The following LGR6 variants were observed in gnomAD, a reference collection of about 807,000 sequenced individuals.
LGR6 encodes the protein leucine-rich repeat-containing G protein-coupled receptor 6.
LGR6 carries 45 observed loss-of-function variants against 69.4 expected under a neutral mutation model. The observed-to-expected ratio is 0.65, with a 90% confidence interval of 0.51 to 0.83. The LOEUF is 0.83. Ranked by LOEUF, LGR6 falls within the 40% of genes least tolerant of loss-of-function variation. The probability of loss-of-function intolerance (pLI) is 0.00; values close to 1 mark genes in which losing one functional copy is unlikely to be tolerated. For synonymous variants in LGR6, 538 were observed against 555.0 expected (o/e 0.97, Z 0.43); for missense variants, 1,108 against 1,246.7 (o/e 0.89, Z 1.68).
rs971296097 is a variant in LGR6 at position 202,318,206 on chromosome 1, C to T, written c.1903C>T (p.Arg635Cys). The T allele has an allele frequency of 6.2e-6, 10 of 1,612,612 alleles. No homozygotes were observed. Among genetic ancestry groups the T allele is most frequent in the African/African-American group, 1.3e-5 (1 of 74,942 alleles). ...TFGQFSEYGA[R>C]WETGLGCRAT... Reference sequence around the variant, plus strand: ...TGGTCAGTTCTCTGAGTACGGAGCCCGCTGGGAGACGGGGCTAGGCTGCCG... The same window carrying T: ...TGGTCAGTTCTCTGAGTACGGAGCCTGCTGGGAGACGGGGCTAGGCTGCCG... The change falls in exon 18 of 18, where the codon CGC (arginine) becomes TGC (cysteine). Residue 635 changes from arginine to cysteine, a missense_variant. Transcript: ENST00000367278.
chr1:202,197,820 G>A (rs1201472666), intron 1 of LGR6, among the ~76,000 whole-genome samples: 1 of 152,192 alleles, frequency 6.6e-6, no homozygotes, highest in Non-Finnish European at 1.5e-5. Context: ...GACAATCCCC[G>A]GAGTTGTTGC....
rs112345977 is a variant in LGR6 at position 202,296,974 on chromosome 1, CA to C, written c.717-523del. 5.4e-3 allele frequency among the ~76,000 whole-genome samples: 783 copies of C among 144,248 alleles called. 7 individuals carry two copies. The highest frequency in any genetic ancestry group is 0.015 in the African/African-American group (577 of 39,498). 94.6% of individuals were successfully genotyped at this position (144,248 alleles called of 152,430 possible). On this transcript the variant is annotated intron_variant, in intron 6 of 17. Coordinates refer to ENST00000367278, the MANE Select transcript of LGR6 (RefSeq NM_001017403.2). The stretch of plus-strand genomic sequence containing the variant: ...TTATACATGTGATATATGCTCATTG[CA>C]AAAAAAAAAATTGGAAAGTACAGAA...
rs753221682 is a variant in LGR6 at position 202,202,774 on chromosome 1, C to T, written c.212+8573C>T. 2.6e-5 allele frequency among the ~76,000 whole-genome samples: 4 copies of T among 152,178 alleles called. No homozygotes were observed. In the South Asian group the frequency reaches 8.3e-4, roughly 32 times the overall value. On this transcript the variant is annotated intron_variant, in intron 1 of 17. Transcript: ENST00000367278. ...TTGACTCTGCCTGCCTAGAGCTTGC[C>T]GAGAATGAGACCCAGAGGGTCGGTC...
intron 7 of LGR6, among the ~76,000 whole-genome samples, chr1:202,299,364 A>T: frequency 6.6e-6 from 1 of 152,146 alleles, no homozygotes; most frequent in Non-Finnish European, 1.5e-5. Context: ...GCATGAGAGA[A>T]GCATGAGATT....
Position 202,309,165 on chromosome 1 carries a change from C to G in LGR6, c.1395C>G (p.Phe465Leu). 3 of 1,614,046 alleles carry G rather than the reference C, an allele frequency of 1.9e-6. No homozygotes were observed. Among genetic ancestry groups the G allele is most frequent in the Non-Finnish European group, 1.7e-6 (2 of 1,179,940 alleles). ...ALSQAFSKDS[F>L]PKLRILEVPY... ...CCCAGGCCTTCTCCAAGGACAGTTT[C>G]CCAAAACTGAGGTGAGGGACTGGCT... Residue 465 changes from phenylalanine (F) to leucine (L), a missense_variant, in exon 15 of 18, where the codon TTC (phenylalanine) becomes TTG (leucine). Coordinates refer to ENST00000367278, the MANE Select transcript of LGR6 (RefSeq NM_001017403.2).
intron 1 of LGR6, among the ~76,000 whole-genome samples, chr1:202,205,841 C>A (rs1659198400): frequency 1.0e-5 from 1 of 97,730 alleles, no homozygotes; most frequent in South Asian, 5.6e-4. Context: ...ACACACACAC[C>A]TCCTTCAAAC....
Position 202,295,689 on chromosome 1 carries a change from T to C in LGR6, c.717-1819T>C, listed in dbSNP as rs138974660. 1.6e-3 allele frequency among the ~76,000 whole-genome samples: 240 copies of C among 152,332 alleles called. 1 individual carries two copies. Among genetic ancestry groups the C allele is most frequent in the South Asian group, 7.2e-3 (35 of 4,832 alleles). On this transcript the variant is annotated intron_variant, in intron 6 of 17. Transcript: ENST00000367278. ...CTTTGCACACATCCTGGCCTCCGCC[T>C]GACCACATCCTTCACACAGCCTGTG...
At chr1:202,252,105 A>G (rs1473831666) in intron 4 of LGR6, among the ~76,000 whole-genome samples, 1 of 152,110 alleles carries the variant, frequency 6.6e-6, no homozygotes, top group Non-Finnish European at 1.5e-5. Context: ...AACCGCCCAC[A>G]GACCACTGAC....
intron 4 of LGR6, among the ~76,000 whole-genome samples, chr1:202,260,071 C>T (rs1405073226): frequency 5.9e-5 from 9 of 152,302 alleles, no homozygotes; most frequent in South Asian, 2.1e-4. Flanking sequence ...TTTTCTGAGA[C>T]GGAGTCTCAC....
At chr1:202,278,296 C>T (rs1197379749) in intron 5 of LGR6, among the ~76,000 whole-genome samples, 2 of 151,862 alleles carry the variant, frequency 1.3e-5, no homozygotes, top group African/African-American at 2.4e-5. Flanking sequence ...GAAGAATTGA[C>T]CTGATTGAGA....
intron 1 of LGR6, among the ~76,000 whole-genome samples, chr1:202,200,575 C>T (rs1046960506): frequency 4.6e-5 from 7 of 152,166 alleles, no homozygotes; most frequent in African/African-American, 1.7e-4. Flanking sequence ...TGCCAATCTC[C>T]CTTCCCCATG....
At chr1:202,281,409 A>C (rs1165735813) in intron 6 of LGR6, among the ~76,000 whole-genome samples, 1 of 152,182 alleles carries the variant, frequency 6.6e-6, no homozygotes, top group Non-Finnish European at 1.5e-5. Context: ...TTGACTCTCA[A>C]AAAGCCATAT....
rs114340652 is a variant in LGR6, at chr1:202,225,591, A to T, written c.284+97A>T. ...AGGAGGTGGGGTGGAGAGAAGAGAA[A>T]GGGGCTTGGGAAGCTAAGACAGTTC... On this transcript the variant is annotated intron_variant, in intron 2 of 17. Transcript: ENST00000367278. 1.2e-3 allele frequency: 1,276 copies of T among 1,094,542 alleles called. 12 individuals carry two copies. The African/African-American group carries it at 0.017, about 15-fold the overall frequency. The allele number at this position is 1,094,542 out of a possible 1,614,324, so 67.8% of individuals were successfully genotyped here.
intron 4 of LGR6, among the ~76,000 whole-genome samples, chr1:202,245,738 A>G (rs1662606112): frequency 6.6e-6 from 1 of 152,014 alleles, no homozygotes; most frequent in Non-Finnish European, 1.5e-5. Flanking sequence ...GAGGTGGGTG[A>G]TCCCTCCCCC....
chr1:202,213,985 C>T, intron 1 of LGR6: 1 of 928,504 alleles, frequency 1.1e-6, no homozygotes, highest in Non-Finnish European at 1.3e-6. Context: ...TCTAGTCTTT[C>T]TATAGCTCTG....
At chr1:202,216,046 A>G (rs1295890741) in intron 1 of LGR6, among the ~76,000 whole-genome samples, 1 of 152,222 alleles carries the variant, frequency 6.6e-6, no homozygotes, top group Non-Finnish European at 1.5e-5. Context: ...CTCTTTGAGG[A>G]CAGGGAGCAT....
chr1:202,194,238 G>A, intron 1 of LGR6, 37 bp downstream of exon 1: 1 of 1,427,072 alleles, frequency 7.0e-7, no homozygotes, highest in Non-Finnish European at 9.4e-7. Flanking sequence ...TGGTCCTGCG[G>A]GCTGCTGGCT....
At position 202,236,006 on chromosome 1, in the gene LGR6, A is replaced by G. The variant is rs1661513635; in HGVS notation, c.428+13A>G. 6.2e-7 allele frequency: 1 copy of G among 1,612,182 alleles called. No homozygotes were observed. The highest frequency in any genetic ancestry group is 8.5e-7 in the Non-Finnish European group (1 of 1,178,658). On this transcript the variant is annotated intron_variant, in intron 4 of 17. Transcript: ENST00000367278. ...GCCTGCAGTCGCTGTGAGTCATTAG[A>G]GGGCTGGTCTGGGAGTCACCAGCTT...
chr1:202,196,925 G>A (rs1658661322), intron 1 of LGR6: 1 of 450,176 alleles, frequency 2.2e-6, no homozygotes, highest in Non-Finnish European at 4.5e-6. Context: ...CAACCAGTTG[G>A]TGAAAATTGG....
Sources: allele counts gnomAD v4.1 joint callset (sites outside exome capture counted in the v4.1 genomes callset), GRCh38; gene constraint gnomAD v4.1.1; transcripts MANE v1.5; gene names NCBI Gene and HGNC (gene_info 2026-07-23, HGNC 2026-07-21).